Variants in USP40 observed in about 807,000 individuals in gnomAD.
USP40 encodes ubiquitin specific peptidase 40, also known as ubiquitin carboxyl-terminal hydrolase 40.
A neutral mutation model predicts 166.2 loss-of-function variants in USP40; 143 were observed. That is an observed-to-expected ratio of 0.86 (90% CI 0.75 to 0.99). USP40 has a LOEUF of 0.99. USP40 is among the 50% of genes least tolerant of loss of function. The pLI is 0.00. For missense variants in USP40, 1,444 were observed against 1,479.7 expected (o/e 0.98, Z 0.40); for synonymous variants, 498 against 524.0 (o/e 0.95, Z 0.68).
At chr2:233,500,410 T>C (rs575112756) in intron 21 of USP40, among the ~76,000 whole-genome samples, 1 of 152,266 alleles carries the variant, frequency 6.6e-6, no homozygotes, top group African/African-American at 2.4e-5. Flanking sequence ...TGTCATGGCA[T>C]AATGCAAAAA....
intron 11 of USP40, among the ~76,000 whole-genome samples, chr2:233,532,961 G>C (rs2068659210): frequency 6.6e-6 from 1 of 151,478 alleles, no homozygotes; most frequent in Non-Finnish European, 1.5e-5. Flanking sequence ...TAAACAAAAA[G>C]TCTTATTGAG....
chr2:233,502,249 G>T (rs2066122779), intron 21 of USP40, among the ~76,000 whole-genome samples: 1 of 152,088 alleles, frequency 6.6e-6, no homozygotes, highest in South Asian at 2.1e-4. Context: ...AGTTAAAAAG[G>T]CCAGTAAAAA....
In USP40 at chr2:233,524,599, CCAT is replaced by C. The variant is rs10618495; in HGVS notation, c.1811-40_1811-38del. 9,150 of 1,477,970 alleles carry C rather than the reference CCAT, an allele frequency of 6.2e-3. 72 individuals carry two copies. Among genetic ancestry groups the C allele is most frequent in the Admixed American group, 0.023 (1,053 of 45,380 alleles). The allele number at this position is 1,477,970 out of a possible 1,614,324, so 91.6% of individuals were successfully genotyped here. On this transcript the variant is annotated intron_variant, in intron 14 of 31. Coordinates refer to ENST00000678225, the MANE Select transcript of USP40 (RefSeq NM_001365479.2). ...TCACCAGTGAGACCATTCATCATGA[CCAT>C]CAGAAACAACTGAGCTAAAGAAAGA... is the stretch of plus-strand genomic sequence containing the variant.
chr2:233,548,300 C>A (rs1430758669), intron 8 of USP40, among the ~76,000 whole-genome samples: 2 of 152,118 alleles, frequency 1.3e-5, no homozygotes, highest in South Asian at 2.1e-4. Flanking sequence ...ATAAACAGGA[C>A]AAAATTCACC....
chr2:233,566,744 G>A lies in USP40; in HGVS notation c.-80C>T, dbSNP rs2072197816. 1.0e-6 allele frequency: 1 copy of A among 985,836 alleles called. No individual in the cohort carries two copies. Among genetic ancestry groups the A allele is most frequent in the Non-Finnish European group, 1.2e-6 (1 of 829,984 alleles). 61.1% of individuals were successfully genotyped at this position (985,836 alleles called of 1,614,324 possible). The stretch of plus-strand genomic sequence containing the variant: ...CGAAGCGAACGAACCCGCCCCAACT[G>A]GGCGCCGCCATGTTGGCGAGGGCGG... On this transcript the variant is annotated 5_prime_UTR_variant, in exon 1 of 32. Transcript: ENST00000678225.
intron 23 of USP40, 56 bp downstream of exon 23, chr2:233,498,492 G>A (rs1203481574): frequency 1.2e-5 from 19 of 1,531,658 alleles, no homozygotes; most frequent in South Asian, 4.7e-5. Context: ...TACCTTGTAC[G>A]AAAATATGAC....
chr2:233,503,833 A>T (rs1347267109), intron 21 of USP40, among the ~76,000 whole-genome samples: 1 of 152,182 alleles, frequency 6.6e-6, no homozygotes, highest in Non-Finnish European at 1.5e-5. Context: ...TGAAAGTATA[A>T]AACTCACAAG....
chr2:233,525,346 GT>G, intron 14 of USP40, 131 bp downstream of exon 14: 1 of 554,042 alleles, frequency 1.8e-6, no homozygotes, highest in South Asian at 3.4e-5. Flanking sequence ...AAAACTTACA[GT>G]GTGAAGATAA....
chr2:233,494,992 A>AT (rs1559224636), intron 24 of USP40, among the ~76,000 whole-genome samples: 19 of 132,328 alleles, frequency 1.4e-4, no homozygotes, highest in South Asian at 2.4e-4. Flanking sequence ...ACACACATAA[A>AT]AAATAAATAA....
Position 233,476,921 on chromosome 2 carries a change from C to T in USP40, c.*471G>A. On this transcript the variant is annotated 3_prime_UTR_variant, in exon 32 of 32. Coordinates refer to ENST00000678225, the MANE Select transcript of USP40 (RefSeq NM_001365479.2). ...GACCCCACTTCTGCCCGCTTCTGCTCAGCACCAGCGCGGTGGCGCAGTGGC... is the reference window on the plus strand; with the variant it reads ...GACCCCACTTCTGCCCGCTTCTGCTTAGCACCAGCGCGGTGGCGCAGTGGC... 1 of 243,466 alleles carries T rather than the reference C, an allele frequency of 4.1e-6. No individual in the cohort carries two copies. The highest frequency in any genetic ancestry group is 5.0e-5 in the South Asian group (1 of 20,136). 15.1% of individuals were successfully genotyped at this position (243,466 alleles called of 1,614,324 possible).
At chr2:233,501,903 T>C (rs769569975) in intron 21 of USP40, among the ~76,000 whole-genome samples, 1 of 152,084 alleles carries the variant, frequency 6.6e-6, no homozygotes, top group Non-Finnish European at 1.5e-5. Context: ...TGCTCAAAGA[T>C]AGAGAAGAGG....
intron 24 of USP40, among the ~76,000 whole-genome samples, chr2:233,494,478 T>C (rs1292092105): frequency 6.6e-6 from 1 of 152,160 alleles, no homozygotes; most frequent in Non-Finnish European, 1.5e-5. Flanking sequence ...CATTCTGATA[T>C]ACTAGTGCAT....
intron 24 of USP40, among the ~76,000 whole-genome samples, chr2:233,494,915 C>CATATAT (rs1169787200): frequency 1.8e-4 from 2 of 11,368 alleles, no homozygotes; most frequent in African/African-American, 3.0e-4. Context: ...AGCAAAATGG[C>CATATAT]ATATATATAT....
Position 233,559,913 on chromosome 2 carries a change from G to A in USP40, c.279C>T (p.Ile93=), listed in dbSNP as rs1160331832. ...KDKPDAKVRI[I]PLQLQRLFAQ... ...CAAACAAGCGCTGTAACTGTAAAGG[G>A]ATGATTCGAACCTGAATGAGAAACA... The change falls in exon 4 of 32, where the codon ATC becomes ATT. Residue 93 remains isoleucine (I), a synonymous_variant. Coordinates refer to ENST00000678225, the MANE Select transcript of USP40 (RefSeq NM_001365479.2). The A allele has an allele frequency of 6.2e-7, 1 of 1,604,498 alleles. No individual in the cohort carries two copies. The highest frequency in any genetic ancestry group is 8.5e-7 in the Non-Finnish European group (1 of 1,175,518).
intron 10 of USP40, among the ~76,000 whole-genome samples, chr2:233,539,098 G>C (rs2069159220): frequency 6.6e-6 from 1 of 151,846 alleles, no homozygotes; most frequent in Non-Finnish European, 1.5e-5. Flanking sequence ...TAATAATATA[G>C]CTTCCAGAAG....
At chr2:233,526,203 G>A (rs534333262) in intron 13 of USP40, among the ~76,000 whole-genome samples, 1 of 152,260 alleles carries the variant, frequency 6.6e-6, no homozygotes, top group African/African-American at 2.4e-5. Flanking sequence ...TGATTAGTTT[G>A]CTGTGAATTA....
intron 12 of USP40, among the ~76,000 whole-genome samples, chr2:233,528,278 C>T (rs1036287373): frequency 1.3e-5 from 2 of 152,108 alleles, no homozygotes; most frequent in African/African-American, 4.8e-5. Flanking sequence ...TGCGACCGGC[C>T]CCATGAAATA....
At chr2:233,505,343 G>A (rs1333290627) in intron 21 of USP40, among the ~76,000 whole-genome samples, 1 of 151,966 alleles carries the variant, frequency 6.6e-6, no homozygotes, top group African/African-American at 2.4e-5. Flanking sequence ...AAAGCTCAGA[G>A]CAGAAATAAA....
chr2:233,475,641 A>C lies in USP40; in HGVS notation c.*1751T>G, dbSNP rs906096386. The C allele has an allele frequency of 2.0e-5, 3 of 152,408 alleles. No homozygotes were observed. The highest frequency in any genetic ancestry group is 7.2e-5 in the African/African-American group (3 of 41,480). The allele number at this position is 152,408 out of a possible 1,614,324, so 9.4% of individuals were successfully genotyped here. A position where few individuals can be genotyped will look rare whatever the true frequency, so the allele number is the denominator to read the frequency against. On this transcript the variant is annotated 3_prime_UTR_variant, in exon 32 of 32. Coordinates refer to ENST00000678225, the MANE Select transcript of USP40 (RefSeq NM_001365479.2). ...AGGGAAGAAGGCAAAGGCCACACGCACAGGCCGGCCCGGCCGCACGCGCCT... is the reference window on the plus strand; with the variant it reads ...AGGGAAGAAGGCAAAGGCCACACGCCCAGGCCGGCCCGGCCGCACGCGCCT...
Sources: gnomAD v4.1 joint callset for allele counts (sites outside exome capture counted in the v4.1 genomes callset) on GRCh38, gnomAD v4.1.1 for gene constraint, MANE v1.5 for transcripts, NCBI Gene and HGNC (gene_info 2026-07-23, HGNC 2026-07-21) for gene names.